PPP2R2C: variants seen among roughly 807,000 people sequenced by gnomAD.
PPP2R2C encodes protein phosphatase 2 regulatory subunit Bgamma.
Under a neutral mutation model 45.3 loss-of-function variants are expected in PPP2R2C, and 10 were observed. The observed-to-expected ratio is 0.22, with a 90% CI of 0.14 to 0.37. The LOEUF (loss-of-function observed/expected upper bound fraction) is 0.37, where lower values mean the gene tolerates loss of function less well. Among genes scored for constraint, PPP2R2C ranks in the 10% least tolerant of loss-of-function variants. The pLI is 1.00. For synonymous variants in PPP2R2C, 257 were observed against 245.4 expected (o/e 1.05, Z -0.44); for missense variants, 308 against 619.7 (o/e 0.50, Z 5.34).
chr4:6,437,465 G>A (rs1719949382), intron 1 of PPP2R2C, among the ~76,000 whole-genome samples: 1 of 152,238 alleles, frequency 6.6e-6, no homozygotes, highest in Admixed American at 6.5e-5. Context: ...AGAGCGGGGA[G>A]TGGCTTGTCC....
rs1285584279 is a variant in PPP2R2C, at chr4:6,471,968, C to T, written c.70+192G>A. ...GCTGGGCAGCGGAGGCCGGTACCCT[C>T]GGGCTCCCTCCCTCCTGGGCCCCGG... On this transcript the variant is annotated intron_variant, in intron 1 of 8. Transcript: ENST00000382599. The surrounding 1 kb of genome is among the most constrained non-coding windows in gnomAD (Gnocchi z 5.6). Among the ~76,000 whole-genome samples, 2 of 147,302 alleles carry T rather than the reference C, an allele frequency of 1.4e-5. No homozygotes were observed. Among genetic ancestry groups the T allele is most frequent in the African/African-American group, 2.5e-5 (1 of 39,780 alleles).
At chr4:6,334,214 T>C (rs542024614) in intron 6 of PPP2R2C, among the ~76,000 whole-genome samples, 1 of 152,290 alleles carries the variant, frequency 6.6e-6, no homozygotes, top group East Asian at 1.9e-4. Context: ...CATGGTGTCC[T>C]GGGCAGGCAT....
chr4:6,473,391 T>C (rs1362926224), upstream of PPP2R2C, among the ~76,000 whole-genome samples: 1 of 152,004 alleles, frequency 6.6e-6, no homozygotes. Context: ...ATTTGCCTCC[T>C]GTTTTGCCAA....
chr4:6,475,608 A>G (rs560515879), upstream of PPP2R2C, among the ~76,000 whole-genome samples: 1 of 152,170 alleles, frequency 6.6e-6, no homozygotes, highest in East Asian at 1.9e-4. Flanking sequence ...GCCTCTCTCT[A>G]TGCTGAGTTC....
intron 5 of PPP2R2C, chr4:6,350,591 A>G (rs1712457813): frequency 1.0e-6 from 1 of 985,216 alleles, no homozygotes; most frequent in Non-Finnish European, 1.2e-6. Context: ...CATGGGGCGC[A>G]GTGGGTGCAG....
At chr4:6,323,755 G>A (rs904185671) in intron 8 of PPP2R2C, among the ~76,000 whole-genome samples, 162 bp from the exon 9 acceptor site, 3 of 151,946 alleles carry the variant, frequency 2.0e-5, no homozygotes, top group Non-Finnish European at 2.9e-5. Context: ...GGACAACATA[G>A]CGAGACTCCA....
Position 6,347,934 on chromosome 4 carries a change from G to A in PPP2R2C, c.702C>T (p.His234=), listed in dbSNP as rs183987526. The A allele has an allele frequency of 1.9e-6, 3 of 1,614,124 alleles. No individual in the cohort carries two copies. The highest frequency in any genetic ancestry group is 2.5e-6 in the Non-Finnish European group (3 of 1,180,022). Residue 234 remains histidine, a synonymous_variant, in exon 6 of 9, where the codon CAC becomes CAT. Transcript: ENST00000382599. ...VITASEFHPH[H]CNLFVYSSSK... ...TGCTGCTGTAGACGAAGAGGTTGCAGTGGTGCGGATGGAACTCAGATGCTG... is the reference window on the plus strand; with the variant it reads ...TGCTGCTGTAGACGAAGAGGTTGCAATGGTGCGGATGGAACTCAGATGCTG...
chr4:6,448,657 G>A (rs967430662), intron 1 of PPP2R2C, among the ~76,000 whole-genome samples: 1 of 151,986 alleles, frequency 6.6e-6, no homozygotes, highest in South Asian at 2.1e-4. Flanking sequence ...CCCCACCCTC[G>A]TAACCCTCCT....
At chr4:6,469,274 G>A (rs986513656) in intron 1 of PPP2R2C, among the ~76,000 whole-genome samples, 1 of 152,116 alleles carries the variant, frequency 6.6e-6, no homozygotes, top group Non-Finnish European at 1.5e-5. Context: ...AGTCAGTGGT[G>A]AGAAAGGCAG....
intron 5 of PPP2R2C, among the ~76,000 whole-genome samples, chr4:6,354,490 GC>G (rs1451773268): frequency 2.6e-5 from 4 of 151,882 alleles, no homozygotes; most frequent in Admixed American, 2.6e-4. Flanking sequence ...TCACCTCCGT[GC>G]CCCCACACCC....
rs371171263 is a variant in PPP2R2C at position 6,374,229 on chromosome 4, ACCTC to A, written c.448-1533_448-1530del. ...CAGCAAAGTCTTGGCATCTCAGTCC[ACCTC>A]CTGCTTCCTTCCGGCAACATTGCTT... On this transcript the variant is annotated intron_variant, in intron 4 of 8. Coordinates refer to ENST00000382599, the MANE Select transcript of PPP2R2C (RefSeq NM_020416.4). Among the ~76,000 whole-genome samples, 664 of 152,058 alleles carry A rather than the reference ACCTC, an allele frequency of 4.4e-3. 6 individuals carry two copies. The highest frequency in any genetic ancestry group is 0.013 in the African/African-American group (540 of 41,460).
chr4:6,347,836 C>T lies in PPP2R2C; in HGVS notation c.790+10G>A, dbSNP rs58127842. 1,302 of 1,601,972 alleles carry T rather than the reference C, an allele frequency of 8.1e-4. 13 individuals carry two copies. The African/African-American group carries it at 0.015, about 18-fold the overall frequency. ...TGCACAGCCCCCCACCCCCAGGCACCGGCACTTACGCTTGGAATGCTTGTC... is the reference window on the plus strand; with the variant it reads ...TGCACAGCCCCCCACCCCCAGGCACTGGCACTTACGCTTGGAATGCTTGTC... On this transcript the variant is annotated intron_variant, in intron 6 of 8. Coordinates refer to ENST00000382599, the MANE Select transcript of PPP2R2C (RefSeq NM_020416.4).
chr4:6,337,436 G>A (rs1252406720), intron 6 of PPP2R2C, among the ~76,000 whole-genome samples: 2 of 151,970 alleles, frequency 1.3e-5, no homozygotes, highest in Non-Finnish European at 1.5e-5. Flanking sequence ...TGAGTGGCGG[G>A]AACCCTGTCT....
chr4:6,529,889 AGG>A (rs1295389834), intron 2 of PPP2R2C, among the ~76,000 whole-genome samples: 1 of 152,216 alleles, frequency 6.6e-6, no homozygotes, highest in African/African-American at 2.4e-5. Flanking sequence ...GACAATGGCC[AGG>A]AGACTGGGAG....
At position 6,377,165 on chromosome 4, in the gene PPP2R2C, G is replaced by A. The variant is rs535963530; in HGVS notation, c.335-1234C>T. 3.9e-5 allele frequency among the ~76,000 whole-genome samples: 6 copies of A among 152,352 alleles called. No homozygotes were observed. The East Asian group carries it at 5.8e-4, about 15-fold the overall frequency. On this transcript the variant is annotated intron_variant, in intron 3 of 8. Transcript: ENST00000382599. Reference sequence around the variant, plus strand: ...TGTTCGGGAGAGCCTTGGAGGCCCCGCTGAGGAGCGTGGACGTCCTCGGGG... The same window carrying A: ...TGTTCGGGAGAGCCTTGGAGGCCCCACTGAGGAGCGTGGACGTCCTCGGGG...
intron 2 of PPP2R2C, among the ~76,000 whole-genome samples, chr4:6,483,944 A>G (rs1395064277): frequency 6.6e-6 from 1 of 152,108 alleles, no homozygotes; most frequent in Non-Finnish European, 1.5e-5. Flanking sequence ...TTTTATATAC[A>G]AAGTTTTACT....
intron 6 of PPP2R2C, among the ~76,000 whole-genome samples, chr4:6,340,621 C>CACTCA (rs1283077408): frequency 2.0e-5 from 3 of 152,160 alleles, no homozygotes; most frequent in Non-Finnish European, 4.4e-5. Context: ...CTGCACCGGC[C>CACTCA]ACTCACTCTG....
Position 6,333,581 on chromosome 4 carries a change from C to T in PPP2R2C, c.941G>A (p.Arg314Lys), listed in dbSNP as rs531829023. 3 of 1,614,110 alleles carry T rather than the reference C, an allele frequency of 1.9e-6. No homozygotes were observed. The East Asian group carries it at 6.7e-5, about 36-fold the overall frequency. Residue 314 changes from arginine (R) to lysine (K), a missense_variant, in exon 7 of 9, where the codon AGA becomes AAA. Arg to Lys is a conservative substitution (Grantham distance 26). Transcript: ENST00000382599. ...GCCCACCTGGTAGGTCTCTATGGGT[C>T]TTGCCTCCATGTTCAGGTCCCAGAC... ...VKVWDLNMEA[R>K]PIETYQVHDY...
intron 2 of PPP2R2C, among the ~76,000 whole-genome samples, chr4:6,498,725 CCCAGTGAGCT>C: frequency 6.6e-6 from 1 of 152,160 alleles, no homozygotes; most frequent in South Asian, 2.1e-4. Context: ...ACCCACTGAG[CCCAGTGAGCT>C]CCCGGGCTGT....
Sources: gnomAD v4.1 joint callset for allele counts (sites outside exome capture counted in the v4.1 genomes callset) on GRCh38, gnomAD v4.1.1 for gene constraint, Gnocchi (gnomAD v3.1) non-coding constraint, MANE v1.5 for transcripts, NCBI Gene and HGNC (gene_info 2026-07-23, HGNC 2026-07-21) for gene names.